BABAM2: variants seen among roughly 807,000 people sequenced by gnomAD.
BABAM2 encodes the protein BRISC and BRCA1 A complex member 2.
BABAM2 carries 31 observed loss-of-function variants against 54.7 expected under a neutral mutation model. The observed-to-expected ratio is 0.57, with a 90% CI of 0.43 to 0.77. The LOEUF (loss-of-function observed/expected upper bound fraction) is 0.77. Among genes scored for constraint, BABAM2 ranks in the 30% least tolerant of loss-of-function variants. The probability of loss-of-function intolerance (pLI) is 0.00; values close to 1 mark genes in which losing one functional copy is unlikely to be tolerated. For synonymous variants in BABAM2, 167 were observed against 162.9 expected, an observed-to-expected ratio of 1.03 and a Z score of -0.19; for missense variants, 364 against 455.8, an observed-to-expected ratio of 0.80 and a Z score of 1.83.
chr2:27,915,980 G>A (rs1666940382), intron 2 of BABAM2, among the ~76,000 whole-genome samples: 1 of 151,966 alleles, frequency 6.6e-6, no homozygotes, highest in Admixed American at 6.6e-5. Flanking sequence ...TTTTTAGATA[G>A]GTTAAGCATG....
intron 6 of BABAM2, among the ~76,000 whole-genome samples, chr2:28,107,767 C>G (rs898402857): frequency 3.3e-5 from 5 of 152,216 alleles, no homozygotes; most frequent in Non-Finnish European, 5.9e-5. Flanking sequence ...ATTTTTCCCA[C>G]TAGACTGTGA....
intron 3 of BABAM2, among the ~76,000 whole-genome samples, chr2:27,943,137 G>A (rs748501559): frequency 5.3e-5 from 8 of 152,170 alleles, no homozygotes; most frequent in Non-Finnish European, 7.3e-5. Flanking sequence ...AAAGCTGGCC[G>A]TTGTGACTAT....
chr2:27,943,499 T>C (rs1398547951), intron 3 of BABAM2, among the ~76,000 whole-genome samples: 49 of 152,328 alleles, frequency 3.2e-4, no homozygotes, highest in Non-Finnish European at 2.9e-5. Flanking sequence ...ATAGCCTGTC[T>C]TGTGATGTAT....
intron 11 of BABAM2, chr2:28,327,320 C>T (rs1690558284): frequency 6.2e-7 from 1 of 1,613,794 alleles, no homozygotes; most frequent in Non-Finnish European, 8.5e-7. Flanking sequence ...GGAGCAAGTC[C>T]TGGCCTTTGC....
At chr2:28,166,430 A>T (rs1673682897) in intron 7 of BABAM2, among the ~76,000 whole-genome samples, 1 of 152,162 alleles carries the variant, frequency 6.6e-6, no homozygotes, top group Non-Finnish European at 1.5e-5. Context: ...CACAGGAAGG[A>T]CACATTTTGG....
intron 4 of BABAM2, among the ~76,000 whole-genome samples, chr2:28,012,763 T>G (rs1674486938): frequency 1.3e-5 from 2 of 152,202 alleles, no homozygotes; most frequent in African/African-American, 4.8e-5. Flanking sequence ...ATTAAGATTC[T>G]TTTCCTTTGG....
chr2:28,321,542 C>T (rs1451671188), intron 11 of BABAM2, among the ~76,000 whole-genome samples: 24 of 152,268 alleles, frequency 1.6e-4, no homozygotes, highest in Admixed American at 6.5e-5. Context: ...GAGGCTGTGT[C>T]ACCACTAGCC....
chr2:27,983,942 C>CTTTTTTTTCT (rs1672199392), intron 3 of BABAM2, among the ~76,000 whole-genome samples: 1 of 31,138 alleles, frequency 3.2e-5, no homozygotes, highest in South Asian at 1.6e-3. Context: ...CATTTTGTAC[C>CTTTTTTTTCT]TTTTTTTTTT....
intron 4 of BABAM2, among the ~76,000 whole-genome samples, chr2:27,988,341 A>G (rs557932684): frequency 3.3e-5 from 5 of 152,052 alleles, no homozygotes; most frequent in Non-Finnish European, 5.9e-5. Flanking sequence ...AAATATTTTT[A>G]CTTCAGTTTA....
chr2:28,248,207 C>CTTTTTTTTTTTTTTT (rs780563394), intron 10 of BABAM2, among the ~76,000 whole-genome samples: 2 of 54,308 alleles, frequency 3.7e-5, no homozygotes, highest in African/African-American at 1.3e-4. Context: ...TTTTCTTTTT[C>CTTTTTTTTTTTTTTT]TTTTTTTTTT....
intron 2 of BABAM2, among the ~76,000 whole-genome samples, chr2:27,908,438 A>AT (rs1666342078): frequency 6.6e-6 from 1 of 151,832 alleles, no homozygotes; most frequent in African/African-American, 2.4e-5. Context: ...CACCTGGCTA[A>AT]TTTTTTGTAT....
At chr2:28,003,210 A>C (rs1199719294) in intron 4 of BABAM2, among the ~76,000 whole-genome samples, 4 of 152,214 alleles carry the variant, frequency 2.6e-5, no homozygotes, top group Non-Finnish European at 5.9e-5. Flanking sequence ...TAGATAATTT[A>C]GTGTTGACCA....
intron 7 of BABAM2, among the ~76,000 whole-genome samples, chr2:28,134,204 CAAAA>C (rs11321296): frequency 1.4e-4 from 15 of 107,042 alleles, no homozygotes; most frequent in Non-Finnish European, 1.5e-4. Context: ...GTGAGTTATG[CAAAA>C]AAAAAAAAAA....
chr2:28,064,583 C>T (rs771402001), intron 6 of BABAM2, among the ~76,000 whole-genome samples: 1 of 152,168 alleles, frequency 6.6e-6, no homozygotes, highest in African/African-American at 2.4e-5. Flanking sequence ...TTCCTATACT[C>T]TAATGTTCAA....
chr2:28,185,063 T>A (rs145575221), intron 7 of BABAM2, among the ~76,000 whole-genome samples: 66 of 152,318 alleles, frequency 4.3e-4, no homozygotes, highest in African/African-American at 1.5e-3. Flanking sequence ...CTATTTAAAC[T>A]ATGGTGACTA....
intron 5 of BABAM2, among the ~76,000 whole-genome samples, chr2:28,042,295 T>TCAG (rs1467589067): frequency 6.6e-6 from 1 of 152,188 alleles, no homozygotes; most frequent in Non-Finnish European, 1.5e-5. Flanking sequence ...TTGGGAGTCA[T>TCAG]CAGCATATAC....
chr2:28,143,861 A>G (rs570026999), intron 7 of BABAM2, among the ~76,000 whole-genome samples: 1 of 152,182 alleles, frequency 6.6e-6, no homozygotes, highest in Non-Finnish European at 1.5e-5. Context: ...AGGATCAGAA[A>G]CTTACCTGAG....
chr2:28,013,711 A>ACACACACC, intron 4 of BABAM2, among the ~76,000 whole-genome samples: 1 of 145,246 alleles, frequency 6.9e-6, no homozygotes, highest in South Asian at 2.2e-4. Flanking sequence ...ACACACACAC[A>ACACACACC]CACACACACA....
At chr2:28,314,992 G>T (rs1689393309) in intron 11 of BABAM2, among the ~76,000 whole-genome samples, 1 of 139,390 alleles carries the variant, frequency 7.2e-6, no homozygotes, top group Admixed American at 7.4e-5. Flanking sequence ...AAGGTGGGGA[G>T]GGAGGGAAAA....
Sources: gnomAD v4.1 joint callset for allele counts (sites outside exome capture counted in the v4.1 genomes callset) on GRCh38, gnomAD v4.1.1 for gene constraint, MANE v1.5 for transcripts, NCBI Gene and HGNC (gene_info 2026-07-23, HGNC 2026-07-21) for gene names.